DHRSX: variants seen among roughly 807,000 people sequenced by gnomAD.
The protein encoded by DHRSX is polyprenol dehydrogenase.
DHRSX carries 31 observed loss-of-function variants against 34.0 expected under a neutral mutation model. The observed-to-expected ratio is 0.91, with a 90% CI of 0.69 to 1.23. The LOEUF (loss-of-function observed/expected upper bound fraction) is 1.23, where lower values mean the gene tolerates loss of function less well. Ranked by LOEUF, DHRSX falls within the 50% of genes most tolerant of loss-of-function variation. The probability of loss-of-function intolerance (pLI) is 0.00; values close to 1 mark genes in which losing one functional copy is unlikely to be tolerated. For missense variants in DHRSX, 414 were observed against 428.1 expected (o/e 0.97, Z 0.29); for synonymous variants, 201 against 183.8 (o/e 1.09, Z -0.76).
chrX:2,386,009 A>T (rs780194692), intron 3 of DHRSX, among the ~76,000 whole-genome samples: 1 of 152,230 alleles, frequency 6.6e-6, no homozygotes, highest in East Asian at 1.9e-4. Flanking sequence ...GTCACAGGCA[A>T]TAAGTAAATG....
chrX:2,356,712 T>G (rs1411912688), intron 3 of DHRSX, among the ~76,000 whole-genome samples: 8 of 152,184 alleles, frequency 5.3e-5, no homozygotes, highest in Non-Finnish European at 1.0e-4. Context: ...CATGTGAAGA[T>G]GATGAGGATG....
chrX:2,399,093 A>T (rs774703625), intron 3 of DHRSX, among the ~76,000 whole-genome samples: 101 of 150,790 alleles, frequency 6.7e-4, no homozygotes, highest in African/African-American at 2.2e-3. Context: ...TGATCTCGTG[A>T]TCTGCCCGCC....
intron 5 of DHRSX, among the ~76,000 whole-genome samples, chrX:2,252,619 T>C (rs2016458663): frequency 6.6e-6 from 1 of 152,204 alleles, no homozygotes. Context: ...GGGTTGGTTC[T>C]GTAATTATGG....
At chrX:2,346,474 C>T (rs763936166) in intron 3 of DHRSX, among the ~76,000 whole-genome samples, 10 of 152,124 alleles carry the variant, frequency 6.6e-5, no homozygotes, top group East Asian at 3.9e-4. Flanking sequence ...TCCCACAAGG[C>T]GCCTTGAAGC....
intron 1 of DHRSX, among the ~76,000 whole-genome samples, chrX:2,437,499 G>A (rs1379907516): frequency 1.1e-4 from 17 of 152,038 alleles, no homozygotes; most frequent in Non-Finnish European, 2.5e-4. Context: ...AGCTACTCAG[G>A]AGGCTGAGGT....
intron 3 of DHRSX, among the ~76,000 whole-genome samples, chrX:2,397,752 C>T (rs1248130409): frequency 2.6e-5 from 4 of 152,064 alleles, no homozygotes; most frequent in Non-Finnish European, 2.9e-5. Flanking sequence ...GTAAAACAAC[C>T]CCAGTCCTCG....
chrX:2,342,008 G>A (rs2042646886), intron 3 of DHRSX, among the ~76,000 whole-genome samples: 1 of 152,076 alleles, frequency 6.6e-6, no homozygotes, highest in Admixed American at 6.6e-5. Flanking sequence ...GTTTCACCAT[G>A]TTGGCCAGGC....
At chrX:2,294,717 T>C (rs1359184750) in intron 3 of DHRSX, among the ~76,000 whole-genome samples, 1 of 124,806 alleles carries the variant, frequency 8.0e-6, no homozygotes, top group Non-Finnish European at 1.7e-5. Flanking sequence ...TGACAAACAC[T>C]GAGAGACAGA....
chrX:2,247,109 C>T (rs2016316554), intron 5 of DHRSX, among the ~76,000 whole-genome samples: 1 of 151,970 alleles, frequency 6.6e-6, no homozygotes, highest in African/African-American at 2.4e-5. Flanking sequence ...CCACCATGCC[C>T]AGATAATTTT....
chrX:2,461,199 C>A (rs918137491), intron 1 of DHRSX, among the ~76,000 whole-genome samples: 4 of 152,296 alleles, frequency 2.6e-5, no homozygotes, highest in African/African-American at 9.6e-5. Context: ...CTATTTGATA[C>A]GTTCTCAGAG....
At chrX:2,243,259 A>AG (rs772361913) in intron 5 of DHRSX, 29 bp from the exon 6 acceptor site, 1 of 1,602,502 alleles carries the variant, frequency 6.2e-7, no homozygotes, top group South Asian at 1.1e-5. Flanking sequence ...AAGGTGTAAG[A>AG]GGCTGACGGC....
chrX:2,353,877 C>T (rs969627921), intron 3 of DHRSX, among the ~76,000 whole-genome samples: 3 of 151,932 alleles, frequency 2.0e-5, no homozygotes, highest in African/African-American at 4.8e-5. Context: ...CAGGCCTACA[C>T]GTGGTTTTTA....
chrX:2,454,543 CAT>C (rs1381201309), intron 1 of DHRSX, among the ~76,000 whole-genome samples: 8 of 138,358 alleles, frequency 5.8e-5, no homozygotes, highest in Non-Finnish European at 1.2e-4. Flanking sequence ...AAAAAAAAGA[CAT>C]ATTCATGTTG....
chrX:2,258,702 T>G (rs1235696132), intron 5 of DHRSX, among the ~76,000 whole-genome samples: 2 of 152,224 alleles, frequency 1.3e-5, no homozygotes, highest in Admixed American at 6.5e-5. Flanking sequence ...CAAAGCAATG[T>G]TCTCTCCTTT....
At chrX:2,222,904 C>T (rs1012280586) in intron 6 of DHRSX, among the ~76,000 whole-genome samples, 6 of 152,110 alleles carry the variant, frequency 3.9e-5, no homozygotes, top group Non-Finnish European at 8.8e-5. Flanking sequence ...CTCTGGGTGC[C>T]GAGCAAGGGG....
At chrX:2,419,885 G>A (rs1355320334) in intron 2 of DHRSX, among the ~76,000 whole-genome samples, 3 of 151,472 alleles carry the variant, frequency 2.0e-5, no homozygotes, top group Admixed American at 2.0e-4. Flanking sequence ...GAGTTAATAG[G>A]TGCAGCACAC....
At chrX:2,398,670 C>CTTT (rs34876710) in intron 3 of DHRSX, among the ~76,000 whole-genome samples, 2,671 of 129,960 alleles carry the variant, frequency 0.021, 63 homozygotes, top group South Asian at 0.046. Context: ...ATGCATATTC[C>CTTT]TTTTTTTTTT....
At chrX:2,464,737 C>A (rs774833637) in intron 1 of DHRSX, among the ~76,000 whole-genome samples, 73 of 150,854 alleles carry the variant, frequency 4.8e-4, no homozygotes, top group African/African-American at 1.7e-3. Context: ...GGCCAAGGGA[C>A]CGCCACCTTA....
chrX:2,490,588 T>C, intron 1 of DHRSX: 1 of 1,613,916 alleles, frequency 6.2e-7, no homozygotes, highest in East Asian at 2.2e-5. Flanking sequence ...GGCAGTAGAT[T>C]TTCTTCCACT....
Sources: gnomAD v4.1 joint callset for allele counts (sites outside exome capture counted in the v4.1 genomes callset) on GRCh38, gnomAD v4.1.1 for gene constraint, MANE v1.5 for transcripts, NCBI Gene and HGNC (gene_info 2026-07-23, HGNC 2026-07-21) for gene names.